ATP6AP2: variants seen among roughly 807,000 people sequenced by gnomAD.
The protein encoded by ATP6AP2 is ATPase H+ transporting accessory protein 2.
ATP6AP2 carries 1 observed loss-of-function variant against 23.4 expected under a neutral mutation model. The observed-to-expected ratio is 0.04, with a 90% CI of 0.02 to 0.20. ATP6AP2 has a LOEUF of 0.20. Among genes scored for constraint, ATP6AP2 ranks in the 10% least tolerant of loss-of-function variants. The probability of loss-of-function intolerance (pLI) is 1.00; values close to 1 mark genes in which losing one functional copy is unlikely to be tolerated. For missense variants in ATP6AP2, 174 were observed against 271.3 expected (o/e 0.64, Z 2.52); for synonymous variants, 90 against 97.1 (o/e 0.93, Z 0.43).
intron 3 of ATP6AP2, chrX:40,591,776 T>A: frequency 4.9e-6 from 1 of 202,152 alleles, no homozygotes; most frequent in Non-Finnish European, 9.2e-6. Context: ...ACTTACTCCT[T>A]CACTGGCTAT....
At chrX:40,587,686 A>G (rs1184217099) in intron 1 of ATP6AP2, among the ~76,000 whole-genome samples, 1 of 111,935 alleles carries the variant, frequency 8.9e-6, no homozygotes, top group African/African-American at 3.2e-5. Context: ...CTTGGAGCCC[A>G]TTTTTTTAAT....
At chrX:40,584,222 G>A (rs891936623) in intron 1 of ATP6AP2, among the ~76,000 whole-genome samples, 2 of 110,138 alleles carry the variant, frequency 1.8e-5, no homozygotes, top group Admixed American at 9.7e-5. Flanking sequence ...GACCACAGGC[G>A]CATGCCACCA....
chrX:40,593,837 G>C (rs1239703815), intron 3 of ATP6AP2, among the ~76,000 whole-genome samples: 1 of 111,228 alleles, frequency 9.0e-6, no homozygotes, highest in Admixed American at 9.6e-5. Context: ...TTATCCATTC[G>C]TTTGATTATG....
chrX:40,584,988 G>A (rs1926428741), intron 1 of ATP6AP2, among the ~76,000 whole-genome samples: 1 of 111,743 alleles, frequency 8.9e-6, no homozygotes, highest in Admixed American at 9.5e-5. Context: ...CAAGTGATCC[G>A]CCTGTCTTGG....
intron 6 of ATP6AP2, chrX:40,599,174 G>A: frequency 4.7e-6 from 1 of 212,047 alleles, no homozygotes; most frequent in South Asian, 7.6e-5. Context: ...TACTGAAATA[G>A]AAATTCTTAT....
At chrX:40,601,041 T>C (rs777836238) in intron 8 of ATP6AP2, 160 bp downstream of exon 8, 2 of 507,747 alleles carry the variant, frequency 3.9e-6, no homozygotes, top group Admixed American at 4.0e-5. Context: ...CACATACATA[T>C]GTGTGCTTTG....
chrX:40,605,171 C>G (rs1354609318), intron 8 of ATP6AP2: 1 of 140,100 alleles, frequency 7.1e-6, no homozygotes, highest in African/African-American at 3.2e-5. Context: ...CTCAGGTGAT[C>G]TGCCCGCCTT....
At chrX:40,591,179 G>A (rs1430177467) in intron 2 of ATP6AP2, 55 bp from the exon 3 acceptor site, 2 of 1,201,010 alleles carry the variant, frequency 1.7e-6, no homozygotes, top group African/African-American at 3.5e-5. Context: ...TGTTATTGGG[G>A]AGGTGGGTTC....
At position 40,606,303 on chromosome X, in the gene ATP6AP2, G is replaced by T. The variant is rs945824088; in HGVS notation, c.*548G>T. Reference sequence around the variant, plus strand: ...GTTTTGGAACTGTATCTGAGTAACAGAGGACAGCTGTTTTTTAACCCTCTT... The same window carrying T: ...GTTTTGGAACTGTATCTGAGTAACATAGGACAGCTGTTTTTTAACCCTCTT... On this transcript the variant is annotated 3_prime_UTR_variant, in exon 9 of 9. Transcript: ENST00000636580. The T allele has an allele frequency of 8.7e-6, 1 of 114,395 alleles. No homozygotes were observed. The highest frequency in any genetic ancestry group is 3.2e-5 in the African/African-American group (1 of 30,824). The allele number at this position is 114,395 out of a possible 1,213,427, so 9.4% of individuals were successfully genotyped here.
Position 40,597,263 on chromosome X carries a change from T to A in ATP6AP2, c.315T>A (p.Ser105Arg), listed in dbSNP as rs745748841. The part of the protein sequence containing the change: ...SYPLENAVPF[S>R]LDSVANSIHS... ...TTAAATTTCAGGCAGTTCCTTTTAG[T>A]CTTGACAGTGTTGCAAATTCCATTC... The change falls in exon 4 of 9, where the codon AGT (serine) becomes AGA (arginine). Residue 105 changes from serine to arginine, a missense_variant. By Grantham distance (110) the Ser-to-Arg change is moderately radical (BLOSUM62 -1). Coordinates refer to ENST00000636580, the MANE Select transcript of ATP6AP2 (RefSeq NM_005765.3). 2.5e-6 allele frequency: 3 copies of A among 1,203,340 alleles called. No individual in the cohort carries two copies. Among genetic ancestry groups the A allele is most frequent in the Non-Finnish European group, 3.4e-6 (3 of 888,793 alleles).
chrX:40,582,858 G>A (rs1264494857), intron 1 of ATP6AP2, among the ~76,000 whole-genome samples: 2 of 111,801 alleles, frequency 1.8e-5, no homozygotes, highest in Non-Finnish European at 3.8e-5. Context: ...TCTGCACATG[G>A]TTTGAACATG....
intron 8 of ATP6AP2, 96 bp from the exon 9 acceptor site, chrX:40,605,465 T>C: frequency 1.2e-6 from 1 of 809,324 alleles, no homozygotes; most frequent in South Asian, 2.2e-5. Context: ...TATGAAGAAA[T>C]GTTTGTTAGA....
chrX:40,589,998 C>G (rs1602398795), intron 2 of ATP6AP2: 1 of 111,823 alleles, frequency 8.9e-6, no homozygotes, highest in East Asian at 2.8e-4. Flanking sequence ...CTTTGGGCAA[C>G]CAAAGTGAAC....
intron 1 of ATP6AP2, among the ~76,000 whole-genome samples, chrX:40,586,689 G>A (rs1300315681): frequency 8.9e-6 from 1 of 112,107 alleles, no homozygotes; most frequent in African/African-American, 3.2e-5. Flanking sequence ...CCCCATCACT[G>A]GTAGTATTGA....
In ATP6AP2 at chrX:40,590,794, T is replaced by G. The variant is rs191561323; in HGVS notation, c.169-440T>G. The G allele has an allele frequency of 8.6e-3, 1,117 of 129,485 alleles. 12 individuals are homozygous for G. The highest frequency in any genetic ancestry group is 0.034 in the African/African-American group (1,051 of 31,058). 10.7% of individuals were successfully genotyped at this position (129,485 alleles called of 1,213,427 possible). On this transcript the variant is annotated intron_variant, in intron 2 of 8. Coordinates refer to ENST00000636580, the MANE Select transcript of ATP6AP2 (RefSeq NM_005765.3). Reference sequence around the variant, plus strand: ...GTAGGAATTGTTTTATTTATAAAGATCTTAGTCTAAAGAGGATGTTTTAAT... The same window carrying G: ...GTAGGAATTGTTTTATTTATAAAGAGCTTAGTCTAAAGAGGATGTTTTAAT...
rs1406319513 is a variant in ATP6AP2, at chrX:40,606,012, G to A, written c.*257G>A. On this transcript the variant is annotated 3_prime_UTR_variant, in exon 9 of 9. Coordinates refer to ENST00000636580, the MANE Select transcript of ATP6AP2 (RefSeq NM_005765.3). The stretch of plus-strand genomic sequence containing the variant: ...CATTTAATAACATTGATTTCATTCT[G>A]TTTAATGAATTTGGAAATATGCACT... The A allele has an allele frequency of 3.2e-6, 1 of 310,148 alleles. No individual in the cohort carries two copies. The highest frequency in any genetic ancestry group is 2.7e-5 in the African/African-American group (1 of 37,549). 25.6% of individuals were successfully genotyped at this position (310,148 alleles called of 1,213,427 possible). A position where few individuals can be genotyped will look rare whatever the true frequency, so the allele number is the denominator to read the frequency against.
intron 3 of ATP6AP2, chrX:40,595,966 G>C (rs1387742374): frequency 1.8e-5 from 2 of 111,309 alleles, no homozygotes; most frequent in Admixed American, 1.9e-4. Flanking sequence ...ATCACATCAG[G>C]CCAGGAGTTT....
At chrX:40,594,463 A>G (rs1926727302) in intron 3 of ATP6AP2, among the ~76,000 whole-genome samples, 1 of 112,587 alleles carries the variant, frequency 8.9e-6, no homozygotes, top group Non-Finnish European at 1.9e-5. Flanking sequence ...TAGGCTGAGT[A>G]TTATTTGCAT....
Position 40,606,050 on chromosome X carries a change from A to G in ATP6AP2, c.*295A>G. 3.6e-6 allele frequency: 1 copy of G among 279,596 alleles called. No individual in the cohort carries two copies. Among genetic ancestry groups the G allele is most frequent in the Non-Finnish European group, 6.3e-6 (1 of 158,774 alleles). 23.0% of individuals were successfully genotyped at this position (279,596 alleles called of 1,213,427 possible). On this transcript the variant is annotated 3_prime_UTR_variant, in exon 9 of 9. Transcript: ENST00000636580. Reference sequence around the variant, plus strand: ...GGAAATATGCACTGAAAGAAATGTAAAACATTTAGAATAGCTCGTGTTATG... The same window carrying G: ...GGAAATATGCACTGAAAGAAATGTAGAACATTTAGAATAGCTCGTGTTATG...
Sources: gnomAD v4.1 joint callset for allele counts (sites outside exome capture counted in the v4.1 genomes callset) on GRCh38, gnomAD v4.1.1 for gene constraint, MANE v1.5 for transcripts, NCBI Gene and HGNC (gene_info 2026-07-23, HGNC 2026-07-21) for gene names.